Variants in MYO16 observed in about 807,000 individuals in gnomAD.
MYO16 encodes unconventional myosin-XVI.
A neutral mutation model predicts 205.3 loss-of-function variants in MYO16; 94 were observed. The ratio of observed to expected loss-of-function variants is 0.46; its 90% CI spans 0.39 to 0.54. The LOEUF (loss-of-function observed/expected upper bound fraction) is 0.54, where lower values mean the gene tolerates loss of function less well. MYO16 is among the 20% of genes least tolerant of loss of function. The pLI is 0.00. For missense variants in MYO16, 2,315 were observed against 2,387.5 expected (o/e 0.97, Z 0.63); for synonymous variants, 988 against 954.0 (o/e 1.04, Z -0.66).
At chr13:108,507,138 T>C in the MYO16 span, among the ~76,000 whole-genome samples, 1 of 152,116 alleles carries the variant, frequency 6.6e-6, no homozygotes, top group African/African-American at 2.4e-5. Context: ...ATCCTTGACT[T>C]AAAATATTTT....
intron 4 of MYO16, among the ~76,000 whole-genome samples, chr13:108,783,651 C>G (rs562051257): frequency 6.6e-6 from 1 of 152,270 alleles, no homozygotes; most frequent in East Asian, 1.9e-4. Context: ...CCAGAATTCC[C>G]ACGTGTTGTG....
At chr13:109,178,665 A>G (rs1346381820) in intron 33 of MYO16, among the ~76,000 whole-genome samples, 1 of 152,082 alleles carries the variant, frequency 6.6e-6, no homozygotes, top group African/African-American at 2.4e-5. Context: ...CGCCTGTATC[A>G]CAGTGATTCT....
At chr13:109,065,715 T>G (rs1887726803) in intron 27 of MYO16, 3 of 344,558 alleles carry the variant, frequency 8.7e-6, no homozygotes, top group Non-Finnish European at 1.7e-5. Context: ...GTCCTATGGC[T>G]CTCTCTCAAG....
At chr13:108,970,884 G>A (rs1883983955) in intron 20 of MYO16, among the ~76,000 whole-genome samples, 1 of 152,118 alleles carries the variant, frequency 6.6e-6, no homozygotes, top group Non-Finnish European at 1.5e-5. Context: ...GGGGTTGAAG[G>A]TAGAGAGGGG....
upstream of MYO16, among the ~76,000 whole-genome samples, chr13:108,593,197 C>A (rs1459603094): frequency 1.3e-5 from 2 of 152,062 alleles, no homozygotes; most frequent in African/African-American, 2.4e-5. Context: ...AATTTATTAG[C>A]AGTAATTTAG....
At chr13:108,916,285 C>A (rs1161870284) in intron 16 of MYO16, among the ~76,000 whole-genome samples, 2 of 152,184 alleles carry the variant, frequency 1.3e-5, no homozygotes. Context: ...ACTGAATCCT[C>A]ACCCGCAGCT....
intron 1 of MYO16, among the ~76,000 whole-genome samples, chr13:108,645,281 A>C (rs1457315676): frequency 6.6e-6 from 1 of 152,218 alleles, no homozygotes; most frequent in Non-Finnish European, 1.5e-5. Context: ...AGATTGAGTC[A>C]TCAATAGTAA....
intron 31 of MYO16, among the ~76,000 whole-genome samples, chr13:109,135,510 G>T (rs576550815): frequency 2.0e-5 from 3 of 152,288 alleles, no homozygotes; most frequent in Admixed American, 6.5e-5. Context: ...TTGTTTAGAG[G>T]TGAGGTCTTG....
chr13:109,016,939 TAATTGGGGCATTTAGCC>T (rs1219008402), intron 22 of MYO16, among the ~76,000 whole-genome samples: 1 of 152,234 alleles, frequency 6.6e-6, no homozygotes, highest in Non-Finnish European at 1.5e-5. Context: ...CTGTGTCTTT[TAATTGGGGCATTTAGCC>T]CATTTACATT....
At chr13:109,157,074 G>A (rs546700888) in intron 32 of MYO16, among the ~76,000 whole-genome samples, 1 of 151,838 alleles carries the variant, frequency 6.6e-6, no homozygotes, top group Non-Finnish European at 1.5e-5. Context: ...CCCAGCTGTG[G>A]TCCCCATCAG....
At chr13:108,744,138 T>A (rs1320438912) in intron 4 of MYO16, among the ~76,000 whole-genome samples, 1 of 152,230 alleles carries the variant, frequency 6.6e-6, no homozygotes, top group Non-Finnish European at 1.5e-5. Context: ...ATATTTAATA[T>A]CTTTCTCATC....
chr13:108,536,402 C>A, the MYO16 span, among the ~76,000 whole-genome samples: 1 of 123,802 alleles, frequency 8.1e-6, no homozygotes, highest in Non-Finnish European at 1.6e-5. Context: ...CAAGAGAGAG[C>A]AAACAGTTTA....
intron 16 of MYO16, among the ~76,000 whole-genome samples, chr13:108,938,795 G>GT (rs2139309242): frequency 6.6e-6 from 1 of 152,354 alleles, no homozygotes; most frequent in East Asian, 1.9e-4. Context: ...GCTGAACCAG[G>GT]TGAATGAGTG....
intron 6 of MYO16, among the ~76,000 whole-genome samples, chr13:108,793,873 C>T (rs185848409): frequency 4.8e-4 from 73 of 152,234 alleles, no homozygotes; most frequent in Middle Eastern, 6.8e-3. Context: ...CATAGACACA[C>T]GCATGCGTAT....
chr13:109,200,739 C>G (rs1446578388), intron 34 of MYO16, among the ~76,000 whole-genome samples: 1 of 150,956 alleles, frequency 6.6e-6, no homozygotes, highest in Admixed American at 6.6e-5. Flanking sequence ...AGATGAGCAG[C>G]CACTGAAAGT....
At position 108,992,430 on chromosome 13, in the gene MYO16, A is replaced by G. The variant is rs758812944; in HGVS notation, c.2424A>G (p.Gln808=). The change falls in exon 21 of 35, where the codon CAA becomes CAG. Residue 808 remains glutamine, a synonymous_variant. Transcript: ENST00000457511. ...ILDIFGFEEF[Q]KNEFEQLCVN... The stretch of plus-strand genomic sequence containing the variant: ...ACATTTTTGGTTTTGAAGAGTTTCA[A>G]AAGAATGAATTTGAACAAGTAAGTA... The G allele has an allele frequency of 3.1e-6, 5 of 1,597,312 alleles. No homozygotes were observed. The South Asian group carries it at 3.3e-5, about 11-fold the overall frequency.
At chr13:109,080,462 C>G (rs1263811765) in intron 27 of MYO16, among the ~76,000 whole-genome samples, 1 of 151,978 alleles carries the variant, frequency 6.6e-6, no homozygotes, top group Non-Finnish European at 1.5e-5. Context: ...AAGCTGATGA[C>G]TTTTATTCTT....
intron 2 of MYO16, among the ~76,000 whole-genome samples, chr13:108,680,690 G>A (rs1407091559): frequency 6.6e-6 from 1 of 152,164 alleles, no homozygotes; most frequent in Non-Finnish European, 1.5e-5. Context: ...CATAGGACAA[G>A]GAGGCATAAG....
At chr13:108,829,177 C>A (rs1052128691) in intron 9 of MYO16, among the ~76,000 whole-genome samples, 1 of 152,106 alleles carries the variant, frequency 6.6e-6, no homozygotes, top group African/African-American at 2.4e-5. Flanking sequence ...TGGCGGTTAG[C>A]ATAATTGTAC....
Sources: allele counts gnomAD v4.1 joint callset (sites outside exome capture counted in the v4.1 genomes callset), GRCh38; gene constraint gnomAD v4.1.1; transcripts MANE v1.5; gene names NCBI Gene and HGNC (gene_info 2026-07-23, HGNC 2026-07-21).